SAMD4A: variants seen among roughly 807,000 people sequenced by gnomAD.
The protein encoded by SAMD4A is sterile alpha motif domain containing 4A.
In SAMD4A, 33 loss-of-function variants were observed where a neutral mutation model predicts 81.3. The ratio of observed to expected loss-of-function variants is 0.41; its 90% CI spans 0.31 to 0.54. SAMD4A has a LOEUF of 0.54. Ranked by LOEUF, SAMD4A falls within the 20% of genes least tolerant of loss-of-function variation. The probability of loss-of-function intolerance (pLI) is 0.37; values close to 1 mark genes in which losing one functional copy is unlikely to be tolerated. For synonymous variants in SAMD4A, 389 were observed against 382.1 expected (o/e 1.02, Z -0.21); for missense variants, 854 against 951.1 (o/e 0.90, Z 1.34).
intron 2 of SAMD4A, among the ~76,000 whole-genome samples, chr14:54,633,113 G>A (rs183816093): frequency 6.6e-6 from 1 of 152,220 alleles, no homozygotes; most frequent in Admixed American, 6.5e-5. Context: ...GTCTGAAGAG[G>A]TTATACCAAC....
chr14:54,677,138 T>A (rs2036010271), intron 2 of SAMD4A, among the ~76,000 whole-genome samples: 1 of 152,058 alleles, frequency 6.6e-6, no homozygotes, highest in Admixed American at 6.6e-5. Context: ...AAGGAGAAGG[T>A]GTTTGGAAGT....
At chr14:54,647,144 C>T (rs114787753) in intron 2 of SAMD4A, among the ~76,000 whole-genome samples, 1 of 152,246 alleles carries the variant, frequency 6.6e-6, no homozygotes, top group African/African-American at 2.4e-5. Flanking sequence ...TTTTAACTTC[C>T]ACAAGTATTA....
chr14:54,630,665 T>C (rs957590215), intron 2 of SAMD4A, among the ~76,000 whole-genome samples: 16 of 152,252 alleles, frequency 1.1e-4, no homozygotes, highest in Admixed American at 9.2e-4. Context: ...GTGGTGGTGG[T>C]CATGGGGATA....
rs557333081 is a variant in SAMD4A, at chr14:54,574,320, G to A, written c.196+6208G>A. ...GAAAGGAGAGAACAGCGTGGATTGG[G>A]CAGTCTGAGAAGCTGAATGGAAGAA... On this transcript the variant is annotated intron_variant, in intron 2 of 12. Transcript: ENST00000554335. 3.8e-4 allele frequency among the ~76,000 whole-genome samples: 58 copies of A among 152,312 alleles called. 1 individual carries two copies. Among genetic ancestry groups the A allele is most frequent in the Admixed American group, 7.8e-4 (12 of 15,308 alleles).
chr14:54,683,508 A>C (rs1384142287), intron 2 of SAMD4A, among the ~76,000 whole-genome samples: 1 of 152,158 alleles, frequency 6.6e-6, no homozygotes. Flanking sequence ...CCTGAGCTTG[A>C]TGTATTCCTG....
Position 54,789,204 on chromosome 14 carries a change from T to C in SAMD4A, c.*260T>C. The C allele has an allele frequency of 2.5e-6, 1 of 392,406 alleles. No individual in the cohort carries two copies. Among genetic ancestry groups the C allele is most frequent in the Non-Finnish European group, 4.6e-6 (1 of 216,226 alleles). 24.3% of individuals were successfully genotyped at this position (392,406 alleles called of 1,614,324 possible). A position where few individuals can be genotyped will look rare whatever the true frequency, so the allele number is the denominator to read the frequency against. ...GTGGGGAGGGGTCTCTAGGGAATTA[T>C]GAGACTGGGAGGGGGGTGGAGGGAA... On this transcript the variant is annotated 3_prime_UTR_variant, in exon 13 of 13. Transcript: ENST00000554335.
In SAMD4A at chr14:54,789,963, C is replaced by G. The variant is rs1243824285; in HGVS notation, c.*1019C>G. The G allele has an allele frequency of 6.6e-6, 1 of 152,226 alleles. No individual in the cohort carries two copies. Among genetic ancestry groups the G allele is most frequent in the Non-Finnish European group, 1.5e-5 (1 of 68,056 alleles). The allele number at this position is 152,226 out of a possible 1,614,324, so 9.4% of individuals were successfully genotyped here. A position where few individuals can be genotyped will look rare whatever the true frequency, so the allele number is the denominator to read the frequency against. The stretch of plus-strand genomic sequence containing the variant: ...GCTGGATTTGCTTGTCACGGAGAGG[C>G]CTCCCTCCCTTTCCACCCCACCCAT... On this transcript the variant is annotated 3_prime_UTR_variant, in exon 13 of 13. Transcript: ENST00000554335.
At chr14:54,653,433 G>A (rs12586646) in intron 2 of SAMD4A, among the ~76,000 whole-genome samples, 74,373 of 150,708 alleles carry the variant, frequency 0.49, 18,868 homozygotes, top group East Asian at 0.78. Context: ...TCCATCTCCC[G>A]GGTTCAAGCA....
At position 54,656,696 on chromosome 14, in the gene SAMD4A, C is replaced by T. The variant is rs578025521; in HGVS notation, c.197-45366C>T. Among the ~76,000 whole-genome samples the T allele has an allele frequency of 5.3e-5, 8 of 152,266 alleles. No individual in the cohort carries two copies. The South Asian group carries it at 6.2e-4, about 12-fold the overall frequency. On this transcript the variant is annotated intron_variant, in intron 2 of 12. Transcript: ENST00000554335. ...AGGCTGGAGGGCAGTGGCGCGATCTCGGCTCACTGCAAGCTCCATCTCCTG... is the reference window on the plus strand; with the variant it reads ...AGGCTGGAGGGCAGTGGCGCGATCTTGGCTCACTGCAAGCTCCATCTCCTG...
chr14:54,669,915 G>A (rs913460203), intron 2 of SAMD4A, among the ~76,000 whole-genome samples: 9 of 152,054 alleles, frequency 5.9e-5, no homozygotes, highest in Non-Finnish European at 1.2e-4. Flanking sequence ...TGTATGCTGC[G>A]TTTTGAGGGA....
rs147275982 is a variant in SAMD4A, at chr14:54,775,370, C to G, written c.1917+235C>G. Among the ~76,000 whole-genome samples, 6 of 152,370 alleles carry G rather than the reference C, an allele frequency of 3.9e-5. 1 individual carries two copies. The highest frequency in any genetic ancestry group is 1.2e-4 in the African/African-American group (5 of 41,580). On this transcript the variant is annotated intron_variant, in intron 10 of 12. Coordinates refer to ENST00000554335, the MANE Select transcript of SAMD4A (RefSeq NM_015589.6). ...CCACTTTAACCTTGGGGACCCTGCACAAGAGGACCTTTAGAAAGAAATGCA... is the reference window on the plus strand; with the variant it reads ...CCACTTTAACCTTGGGGACCCTGCAGAAGAGGACCTTTAGAAAGAAATGCA...
intron 2 of SAMD4A, among the ~76,000 whole-genome samples, chr14:54,615,338 A>G (rs1056941517): frequency 6.6e-6 from 1 of 152,246 alleles, no homozygotes; most frequent in African/African-American, 2.4e-5. Context: ...ATGACACTTA[A>G]TTCTATTCCT....
intron 2 of SAMD4A, among the ~76,000 whole-genome samples, chr14:54,610,980 C>G (rs2034337066): frequency 6.6e-6 from 1 of 152,116 alleles, no homozygotes; most frequent in African/African-American, 2.4e-5. Flanking sequence ...TGATAGTGAT[C>G]AAAATCCTGC....
At chr14:54,748,201 G>A (rs2038014060) in intron 4 of SAMD4A, among the ~76,000 whole-genome samples, 1 of 152,200 alleles carries the variant, frequency 6.6e-6, no homozygotes, top group African/African-American at 2.4e-5. Flanking sequence ...GGATCAGGAT[G>A]CCCTTTTTCC....
At chr14:54,577,730 C>T (rs978493052) in intron 2 of SAMD4A, among the ~76,000 whole-genome samples, 2 of 152,206 alleles carry the variant, frequency 1.3e-5, no homozygotes, top group Admixed American at 6.5e-5. Flanking sequence ...GTTCTGGGTA[C>T]ACACTCGGAG....
chr14:54,572,763 T>C (rs914689711), intron 2 of SAMD4A, among the ~76,000 whole-genome samples: 15 of 152,234 alleles, frequency 9.9e-5, no homozygotes, highest in African/African-American at 1.4e-4. Context: ...TGTCCGGAAG[T>C]TACTTGTTAA....
chr14:54,710,346 A>T (rs2036958377), intron 3 of SAMD4A, among the ~76,000 whole-genome samples: 1 of 152,306 alleles, frequency 6.6e-6, no homozygotes, highest in African/African-American at 2.4e-5. Flanking sequence ...TACTGTTTAA[A>T]ACCCTTTACA....
At chr14:54,655,738 CAAAA>C (rs1301775905) in intron 2 of SAMD4A, among the ~76,000 whole-genome samples, 1 of 152,032 alleles carries the variant, frequency 6.6e-6, no homozygotes, top group Non-Finnish European at 1.5e-5. Context: ...AATTCAGTCT[CAAAA>C]AACAAAAACA....
At chr14:54,588,789 C>A (rs890492901) in intron 2 of SAMD4A, among the ~76,000 whole-genome samples, 13 of 152,020 alleles carry the variant, frequency 8.6e-5, no homozygotes, top group Admixed American at 2.6e-4. Context: ...TATTAGCACT[C>A]TTTGTCATAT....
Sources: allele counts gnomAD v4.1 joint callset (sites outside exome capture counted in the v4.1 genomes callset), GRCh38; gene constraint gnomAD v4.1.1; transcripts MANE v1.5; gene names NCBI Gene and HGNC (gene_info 2026-07-23, HGNC 2026-07-21).